The following POU5F2 variants were observed in gnomAD, a reference collection of about 807,000 sequenced individuals.
POU5F2 encodes POU domain class 5, transcription factor 2, also known as POU domain, class 5, transcription factor 2.
For missense variants in POU5F2, 401 were observed against 426.6 expected (o/e 0.94, Z 0.53); for synonymous variants, 191 against 178.7 (o/e 1.07, Z -0.55).
Position 93,735,984 on chromosome 5 carries a change from G to A in POU5F2, c.*4593C>T, listed in dbSNP as rs1327813897. ...TCTCCAAACATTCTCTTAAATGGAAGCATTAAGAGCAGACATTAAGTTTTT... is the reference window on the plus strand; with the variant it reads ...TCTCCAAACATTCTCTTAAATGGAAACATTAAGAGCAGACATTAAGTTTTT... On this transcript the variant is annotated 3_prime_UTR_variant, in exon 1 of 1. Transcript: ENST00000606183. 6.6e-6 allele frequency: 1 copy of A among 152,040 alleles called. No individual in the cohort carries two copies. The highest frequency in any genetic ancestry group is 6.6e-5 in the Admixed American group (1 of 15,262). The allele number at this position is 152,040 out of a possible 1,614,324, so 9.4% of individuals were successfully genotyped here.
At position 93,734,519 on chromosome 5, in the gene POU5F2, A is replaced by C. The variant is rs1294945020; in HGVS notation, c.*6058T>G. 6 of 152,226 alleles carry C rather than the reference A, an allele frequency of 3.9e-5. No homozygotes were observed. Among genetic ancestry groups the C allele is most frequent in the Non-Finnish European group, 8.8e-5 (6 of 68,040 alleles). 9.4% of individuals were successfully genotyped at this position (152,226 alleles called of 1,614,324 possible). A position where few individuals can be genotyped will look rare whatever the true frequency, so the allele number is the denominator to read the frequency against. On this transcript the variant is annotated 3_prime_UTR_variant, in exon 1 of 1. Coordinates refer to ENST00000606183, the MANE Select transcript of POU5F2 (RefSeq NM_153216.2). ...TATGTACAAAAACATTATTCTGCTT[A>C]TACTCTAAAGGGGCTCAGCATCTTC...
Position 93,736,770 on chromosome 5 carries a change from A to G in POU5F2, c.*3807T>C, listed in dbSNP as rs556496182. The stretch of plus-strand genomic sequence containing the variant: ...GTCAAAAACCCATACCCTCGCATAT[A>G]AAACATTCAATAACCTAAGAAAAAA... On this transcript the variant is annotated 3_prime_UTR_variant, in exon 1 of 1. Transcript: ENST00000606183. The G allele has an allele frequency of 1.3e-5, 2 of 152,292 alleles. No individual in the cohort carries two copies. The highest frequency in any genetic ancestry group is 1.9e-4 in the East Asian group (1 of 5,184). 9.4% of individuals were successfully genotyped at this position (152,292 alleles called of 1,614,324 possible). A position where few individuals can be genotyped will look rare whatever the true frequency, so the allele number is the denominator to read the frequency against.
In POU5F2 at chr5:93,734,011, T is replaced by C. The variant is rs936819829; in HGVS notation, c.*6566A>G. The C allele has an allele frequency of 6.6e-6, 1 of 152,188 alleles. No homozygotes were observed. Among genetic ancestry groups the C allele is most frequent in the Non-Finnish European group, 1.5e-5 (1 of 68,022 alleles). 9.4% of individuals were successfully genotyped at this position (152,188 alleles called of 1,614,324 possible). A position where few individuals can be genotyped will look rare whatever the true frequency, so the allele number is the denominator to read the frequency against. On this transcript the variant is annotated 3_prime_UTR_variant, in exon 1 of 1. Coordinates refer to ENST00000606183, the MANE Select transcript of POU5F2 (RefSeq NM_153216.2). Reference sequence around the variant, plus strand: ...AGACTTGGTATAATAAACAAGGATATACAGTATATCTCTTTCAAAAAAATT... The same window carrying C: ...AGACTTGGTATAATAAACAAGGATACACAGTATATCTCTTTCAAAAAAATT...
In POU5F2 at chr5:93,733,528, TA is replaced by T. The variant is rs1307225699; in HGVS notation, c.*7048del. 7 of 152,136 alleles carry T rather than the reference TA, an allele frequency of 4.6e-5. No homozygotes were observed. Among genetic ancestry groups the T allele is most frequent in the African/African-American group, 1.4e-4 (6 of 41,414 alleles). 9.4% of individuals were successfully genotyped at this position (152,136 alleles called of 1,614,324 possible). Reference sequence around the variant, plus strand: ...ACAATTATTTTCTTATAAAAATTCTTAAAAGTTGAAATGATGGGCCAATGGA... The same window carrying T: ...ACAATTATTTTCTTATAAAAATTCTTAAAGTTGAAATGATGGGCCAATGGA... On this transcript the variant is annotated 3_prime_UTR_variant, in exon 1 of 1. Coordinates refer to ENST00000606183, the MANE Select transcript of POU5F2 (RefSeq NM_153216.2).
rs543468590 is a variant in POU5F2 at position 93,740,905 on chromosome 5, C to G, written c.659G>C (p.Arg220Pro). The G allele has an allele frequency of 3.1e-6, 5 of 1,613,856 alleles. No homozygotes were observed. The highest frequency in any genetic ancestry group is 1.3e-5 in the African/African-American group (1 of 74,914). Residue 220 changes from arginine (R) to proline (P), a missense_variant, in exon 1 of 1, where the codon CGA becomes CCA. Physicochemically the swap from Arg to Pro is moderately radical, Grantham distance 103. Coordinates refer to ENST00000606183, the MANE Select transcript of POU5F2 (RefSeq NM_153216.2). Reference sequence around the variant, plus strand: ...GAATTTCTCCAGGCTGTTTCCGATTCGTCGCTCTCTGCTTGCCCGTCTCCA... The same window carrying G: ...GAATTTCTCCAGGCTGTTTCCGATTGGTCGCTCTCTGCTTGCCCGTCTCCA... ...GKWRRASRERRIGNSLEKFFQ... is the reference protein window; with the variant it reads ...GKWRRASRERPIGNSLEKFFQ...
rs972462177 is a variant in POU5F2 at position 93,733,558 on chromosome 5, G to A, written c.*7019C>T. On this transcript the variant is annotated 3_prime_UTR_variant, in exon 1 of 1. Transcript: ENST00000606183. ...GTTGAAATGATGGGCCAATGGAAAT[G>A]CACATTTTAAAAGATTTCCATATGA... 9.9e-5 allele frequency: 15 copies of A among 152,078 alleles called. No individual in the cohort carries two copies. The highest frequency in any genetic ancestry group is 3.6e-4 in the African/African-American group (15 of 41,400). The allele number at this position is 152,078 out of a possible 1,614,324, so 9.4% of individuals were successfully genotyped here. A position where few individuals can be genotyped will look rare whatever the true frequency, so the allele number is the denominator to read the frequency against.
In POU5F2 at chr5:93,741,038, T is replaced by G. The variant is rs1356052414; in HGVS notation, c.526A>C (p.Asn176His). ...AGCAGTGGTCGCAGCTTCCACATGT[T>G]GGCGACGCTTAGCTGCTGGGCCTCG... ...RFEAQQLSVANMWKLRPLLKK... is the reference protein window; with the variant it reads ...RFEAQQLSVAHMWKLRPLLKK... The change falls in exon 1 of 1, where the codon AAC becomes CAC. Residue 176 changes from asparagine to histidine, a missense_variant. Coordinates refer to ENST00000606183, the MANE Select transcript of POU5F2 (RefSeq NM_153216.2). 1.2e-6 allele frequency: 2 copies of G among 1,613,900 alleles called. No individual in the cohort carries two copies. Among genetic ancestry groups the G allele is most frequent in the Admixed American group, 3.3e-5 (2 of 60,026 alleles).
Position 93,737,036 on chromosome 5 carries a change from A to C in POU5F2, c.*3541T>G, listed in dbSNP as rs561210662. Reference sequence around the variant, plus strand: ...TCTTTATTCACAGATGATATGATTTATATGTAGAAAACCCTAAAGAATGCA... The same window carrying C: ...TCTTTATTCACAGATGATATGATTTCTATGTAGAAAACCCTAAAGAATGCA... On this transcript the variant is annotated 3_prime_UTR_variant, in exon 1 of 1. Coordinates refer to ENST00000606183, the MANE Select transcript of POU5F2 (RefSeq NM_153216.2). 2 of 152,340 alleles carry C rather than the reference A, an allele frequency of 1.3e-5. No individual in the cohort carries two copies. Among genetic ancestry groups the C allele is most frequent in the South Asian group, 4.1e-4 (2 of 4,832 alleles). The allele number at this position is 152,340 out of a possible 1,614,324, so 9.4% of individuals were successfully genotyped here.
Position 93,741,481 on chromosome 5 carries a change from C to T in POU5F2, c.83G>A (p.Arg28Gln), listed in dbSNP as rs753162634. ...GCTCAACCAGGTCAGAGTGTCAACCCGCAGGGGCATCGGCCCTCTGGGGCC... is the reference window on the plus strand; with the variant it reads ...GCTCAACCAGGTCAGAGTGTCAACCTGCAGGGGCATCGGCCCTCTGGGGCC... Reference protein sequence around the residue: ...GGGPRGPMPLRVDTLTWLSTQ... With the variant: ...GGGPRGPMPLQVDTLTWLSTQ... Residue 28 changes from arginine (R) to glutamine (Q), a missense_variant, in exon 1 of 1, where the codon CGG (arginine) becomes CAG (glutamine). Arg to Gln is a conservative substitution (Grantham distance 43, BLOSUM62 1). Transcript: ENST00000606183. 11 of 1,613,274 alleles carry T rather than the reference C, an allele frequency of 6.8e-6. No homozygotes were observed. The highest frequency in any genetic ancestry group is 4.4e-5 in the South Asian group (4 of 91,046).
chr5:93,739,398 A>G lies in POU5F2; in HGVS notation c.*1179T>C, dbSNP rs1200655677. On this transcript the variant is annotated 3_prime_UTR_variant, in exon 1 of 1. Coordinates refer to ENST00000606183, the MANE Select transcript of POU5F2 (RefSeq NM_153216.2). ...AAATTGTAGTAAGTAGAATAAGTAA[A>G]AAAGCTTATACTTTGAAAATACCTA... The G allele has an allele frequency of 6.6e-6, 1 of 152,218 alleles. No individual in the cohort carries two copies. Among genetic ancestry groups the G allele is most frequent in the Non-Finnish European group, 1.5e-5 (1 of 68,054 alleles). The allele number at this position is 152,218 out of a possible 1,614,324, so 9.4% of individuals were successfully genotyped here.
In POU5F2 at chr5:93,733,823, TA is replaced by T. The variant is rs939208512; in HGVS notation, c.*6753del. ...TGCAATGGTTTTGTAGTTTTCACTT[TA>T]AAAACACAGTTTGACATAAATAACA... is the stretch of plus-strand genomic sequence containing the variant. On this transcript the variant is annotated 3_prime_UTR_variant, in exon 1 of 1. Coordinates refer to ENST00000606183, the MANE Select transcript of POU5F2 (RefSeq NM_153216.2). 1 of 152,208 alleles carries T rather than the reference TA, an allele frequency of 6.6e-6. No homozygotes were observed. The highest frequency in any genetic ancestry group is 2.4e-5 in the African/African-American group (1 of 41,452). The allele number at this position is 152,208 out of a possible 1,614,324, so 9.4% of individuals were successfully genotyped here. A position where few individuals can be genotyped will look rare whatever the true frequency, so the allele number is the denominator to read the frequency against.
Position 93,741,507 on chromosome 5 carries a change from G to A in POU5F2, c.57C>T (p.Gly19=), listed in dbSNP as rs755856638. ...HFCPLPGSGG[G]GPRGPMPLRV... is the part of the protein sequence containing the mutation. ...GCAGGGGCATCGGCCCTCTGGGGCC[G>A]CCCCCACCACTGCCTGGAAGGGGGC... The change falls in exon 1 of 1, where the codon GGC becomes GGT. Residue 19 remains glycine (G), a synonymous_variant. Transcript: ENST00000606183. 2.2e-5 allele frequency: 35 copies of A among 1,610,274 alleles called. 2 individuals are homozygous for A. The African/African-American group carries it at 2.3e-4, about 10-fold the overall frequency.
At position 93,740,492 on chromosome 5, in the gene POU5F2, C is replaced by T; in HGVS notation, c.*85G>A. ...TGAATGAGAAATTAATACTAAAAGCCCTCAAATGAACCCTAGGGACATTTC... is the reference window on the plus strand; with the variant it reads ...TGAATGAGAAATTAATACTAAAAGCTCTCAAATGAACCCTAGGGACATTTC... On this transcript the variant is annotated 3_prime_UTR_variant, in exon 1 of 1. Transcript: ENST00000606183. 1.4e-6 allele frequency: 2 copies of T among 1,380,876 alleles called. No individual in the cohort carries two copies. The highest frequency in any genetic ancestry group is 2.3e-5 in the East Asian group (1 of 43,154). The allele number at this position is 1,380,876 out of a possible 1,614,324, so 85.5% of individuals were successfully genotyped here. A position where few individuals can be genotyped will look rare whatever the true frequency, so the allele number is the denominator to read the frequency against.
Position 93,737,134 on chromosome 5 carries a change from T to C in POU5F2, c.*3443A>G, listed in dbSNP as rs1747386538. 1 of 152,210 alleles carries C rather than the reference T, an allele frequency of 6.6e-6. No homozygotes were observed. The highest frequency in any genetic ancestry group is 6.5e-5 in the Admixed American group (1 of 15,282). The allele number at this position is 152,210 out of a possible 1,614,324, so 9.4% of individuals were successfully genotyped here. A position where few individuals can be genotyped will look rare whatever the true frequency, so the allele number is the denominator to read the frequency against. On this transcript the variant is annotated 3_prime_UTR_variant, in exon 1 of 1. Transcript: ENST00000606183. ...ATCAACACAGGAAAATCAGTTGTAT[T>C]TCTATCCATTAGCGATGAACAATTT... is the stretch of plus-strand genomic sequence containing the variant.
In POU5F2 at chr5:93,734,383, G is replaced by A. The variant is rs184324404; in HGVS notation, c.*6194C>T. 4 of 152,252 alleles carry A rather than the reference G, an allele frequency of 2.6e-5. No individual in the cohort carries two copies. The highest frequency in any genetic ancestry group is 2.6e-4 in the Admixed American group (4 of 15,306). The allele number at this position is 152,252 out of a possible 1,614,324, so 9.4% of individuals were successfully genotyped here. A position where few individuals can be genotyped will look rare whatever the true frequency, so the allele number is the denominator to read the frequency against. ...GTCAAAAGAAATCATTTGAAAAAGT[G>A]GCAAAAGGGAAGGTGCTTCTTAAAT... On this transcript the variant is annotated 3_prime_UTR_variant, in exon 1 of 1. Coordinates refer to ENST00000606183, the MANE Select transcript of POU5F2 (RefSeq NM_153216.2).
At position 93,737,800 on chromosome 5, in the gene POU5F2, T is replaced by C; in HGVS notation, c.*2777A>G. The stretch of plus-strand genomic sequence containing the variant: ...GCTATCCACATGCAAAAGAATGAAG[T>C]TGGGCACTTACCTCATACCGTATAC... On this transcript the variant is annotated 3_prime_UTR_variant, in exon 1 of 1. Transcript: ENST00000606183. 2 of 356,342 alleles carry C rather than the reference T, an allele frequency of 5.6e-6. No homozygotes were observed. The highest frequency in any genetic ancestry group is 1.1e-5 in the Non-Finnish European group (2 of 182,722). 22.1% of individuals were successfully genotyped at this position (356,342 alleles called of 1,614,324 possible).
Position 93,740,023 on chromosome 5 carries a change from C to T in POU5F2, c.*554G>A, listed in dbSNP as rs893478741. 6.6e-6 allele frequency: 1 copy of T among 150,654 alleles called. No homozygotes were observed. Among genetic ancestry groups the T allele is most frequent in the Non-Finnish European group, 1.5e-5 (1 of 67,792 alleles). The allele number at this position is 150,654 out of a possible 1,614,324, so 9.3% of individuals were successfully genotyped here. On this transcript the variant is annotated 3_prime_UTR_variant, in exon 1 of 1. Coordinates refer to ENST00000606183, the MANE Select transcript of POU5F2 (RefSeq NM_153216.2). ...AAAAAAAAAAAAAAAAAAAATCTTC[C>T]AAGAAAGCTCAGGTGTTTCAGCAAG...
In POU5F2 at chr5:93,740,382, A is replaced by G; in HGVS notation, c.*195T>C. Reference sequence around the variant, plus strand: ...AAACAAAGGGAAAACACAAAACTGCAATAAACTTCATCTTCTCTCCCAGGT... The same window carrying G: ...AAACAAAGGGAAAACACAAAACTGCGATAAACTTCATCTTCTCTCCCAGGT... On this transcript the variant is annotated 3_prime_UTR_variant, in exon 1 of 1. Coordinates refer to ENST00000606183, the MANE Select transcript of POU5F2 (RefSeq NM_153216.2). The G allele has an allele frequency of 1.7e-6, 1 of 582,212 alleles. No homozygotes were observed. The highest frequency in any genetic ancestry group is 3.0e-6 in the Non-Finnish European group (1 of 337,472). 36.1% of individuals were successfully genotyped at this position (582,212 alleles called of 1,614,324 possible).
In POU5F2 at chr5:93,739,920, TG is replaced by T. The variant is rs1244703503; in HGVS notation, c.*656del. The T allele has an allele frequency of 1.4e-5, 2 of 145,422 alleles. No individual in the cohort carries two copies. The highest frequency in any genetic ancestry group is 5.2e-5 in the African/African-American group (2 of 38,476). 9.0% of individuals were successfully genotyped at this position (145,422 alleles called of 1,614,324 possible). The stretch of plus-strand genomic sequence containing the variant: ...TGTGGCAGGACAAGACATAGTCCCA[TG>T]GGACTACATAAAGTAGGGAGAGGAA... On this transcript the variant is annotated 3_prime_UTR_variant, in exon 1 of 1. Transcript: ENST00000606183.
Sources: gnomAD v4.1 joint callset for allele counts on GRCh38, gnomAD v4.1.1 for gene constraint, MANE v1.5 for transcripts, NCBI Gene and HGNC (gene_info 2026-07-23, HGNC 2026-07-21) for gene names.